The following UGT1A10 variants were observed in gnomAD, a reference collection of about 807,000 sequenced individuals.
The protein encoded by UGT1A10 is UDP-glucuronosyltransferase 1A10.
UGT1A10 carries 49 observed loss-of-function variants against 45.8 expected under a neutral mutation model. The observed-to-expected ratio is 1.07, with a 90% CI of 0.85 to 1.36. The LOEUF (loss-of-function observed/expected upper bound fraction) is 1.36. Ranked by LOEUF, UGT1A10 falls within the 40% of genes most tolerant of loss-of-function variation. UGT1A10 has a pLI of 0.00. For synonymous variants in UGT1A10, 284 were observed against 249.7 expected (o/e 1.14, Z -1.29); for missense variants, 745 against 668.6 (o/e 1.11, Z -1.26).
intron 1 of UGT1A10, among the ~76,000 whole-genome samples, chr2:233,645,350 G>A (rs966275017): frequency 6.6e-6 from 1 of 152,058 alleles, no homozygotes; most frequent in Non-Finnish European, 1.5e-5. Context: ...ATTCCACCCT[G>A]GTCCCTCCCA....
intron 4 of UGT1A10, among the ~76,000 whole-genome samples, chr2:233,772,038 A>G (rs892272267): frequency 1.3e-5 from 2 of 152,202 alleles, no homozygotes; most frequent in African/African-American, 4.8e-5. Flanking sequence ...GCTTGAGCCC[A>G]GGAGTTGGAG....
chr2:233,734,819 C>T (rs192367390), intron 1 of UGT1A10, among the ~76,000 whole-genome samples: 11 of 152,204 alleles, frequency 7.2e-5, no homozygotes, highest in South Asian at 2.1e-4. Flanking sequence ...TGTAGTTGTG[C>T]GATTTTGAGT....
At chr2:233,747,972 G>T in intron 1 of UGT1A10, 1 of 1,613,464 alleles carries the variant, frequency 6.2e-7, no homozygotes, top group South Asian at 1.1e-5. Flanking sequence ...CCATGCATCT[G>T]TGTGGCTGTT....
At chr2:233,649,970 T>G (rs185073890) in intron 1 of UGT1A10, among the ~76,000 whole-genome samples, 55 of 152,114 alleles carry the variant, frequency 3.6e-4, no homozygotes, top group Admixed American at 9.2e-4. Context: ...CAAGGTTTTT[T>G]GTTTGTTTGT....
intron 1 of UGT1A10, among the ~76,000 whole-genome samples, chr2:233,745,386 T>C (rs765197385): frequency 3.3e-5 from 5 of 151,842 alleles, no homozygotes; most frequent in Non-Finnish European, 7.4e-5. Flanking sequence ...TTCACCTCCT[T>C]ATTCTCTTTT....
intron 1 of UGT1A10, among the ~76,000 whole-genome samples, chr2:233,677,084 T>C (rs2074380799): frequency 6.6e-6 from 1 of 152,174 alleles, no homozygotes; most frequent in African/African-American, 2.4e-5. Context: ...TGTGCAAAAA[T>C]CCTGCTAGGA....
At chr2:233,705,367 T>C (rs1178136392) in intron 1 of UGT1A10, among the ~76,000 whole-genome samples, 3 of 152,240 alleles carry the variant, frequency 2.0e-5, no homozygotes, top group African/African-American at 7.2e-5. Flanking sequence ...GTTTTGCTTT[T>C]ATTTTGTTTG....
At chr2:233,749,544 A>G (rs1407004260) in intron 1 of UGT1A10, among the ~76,000 whole-genome samples, 1 of 151,906 alleles carries the variant, frequency 6.6e-6, no homozygotes, top group Non-Finnish European at 1.5e-5. Context: ...GTGGTAAAGA[A>G]CAGGCTAATG....
At chr2:233,718,642 C>T in intron 1 of UGT1A10, 2 of 1,479,382 alleles carry the variant, frequency 1.4e-6, no homozygotes, top group South Asian at 2.6e-5. Context: ...CAGGGTTGGG[C>T]CCATAACGAA....
chr2:233,708,371 A>C (rs1463457265), intron 1 of UGT1A10: 1 of 152,140 alleles, frequency 6.6e-6, no homozygotes, highest in Non-Finnish European at 1.5e-5. Context: ...CTTCATTTAA[A>C]CGTCTTTTGT....
chr2:233,694,725 T>C (rs1230570334), intron 1 of UGT1A10, among the ~76,000 whole-genome samples: 2 of 152,186 alleles, frequency 1.3e-5, no homozygotes, highest in African/African-American at 4.8e-5. Context: ...GATTTCTCTG[T>C]TAACAATTTG....
At chr2:233,682,567 C>T in intron 1 of UGT1A10, 1 of 1,613,972 alleles carries the variant, frequency 6.2e-7, no homozygotes, top group Middle Eastern at 1.7e-4. Context: ...TATGGAACCA[C>T]ATCATGCACT....
intron 1 of UGT1A10, chr2:233,721,835 C>T: frequency 1.9e-6 from 1 of 516,042 alleles, no homozygotes; most frequent in South Asian, 1.4e-5. Context: ...GGCCACCGAC[C>T]TTGTGTCCAG....
At chr2:233,648,284 A>C (rs368230203) in intron 1 of UGT1A10, 195 of 610,258 alleles carry the variant, frequency 3.2e-4, no homozygotes, top group Middle Eastern at 1.0e-3. Context: ...GATCCTTTAG[A>C]TATGTGTGGC....
intron 1 of UGT1A10, among the ~76,000 whole-genome samples, chr2:233,720,216 C>G (rs1381624179): frequency 6.6e-6 from 1 of 152,096 alleles, no homozygotes; most frequent in Non-Finnish European, 1.5e-5. Context: ...GGGATGGATG[C>G]ATGTGATCAG....
At chr2:233,654,921 G>A (rs1483852656) in intron 1 of UGT1A10, among the ~76,000 whole-genome samples, 4 of 152,032 alleles carry the variant, frequency 2.6e-5, no homozygotes, top group African/African-American at 9.7e-5. Context: ...GCAAAACCCC[G>A]TCTCTACTAA....
chr2:233,649,509 T>A (rs921162138), intron 1 of UGT1A10, among the ~76,000 whole-genome samples: 1 of 152,238 alleles, frequency 6.6e-6, no homozygotes, highest in Admixed American at 6.5e-5. Context: ...TAAGCATATA[T>A]GTAAATATTT....
intron 1 of UGT1A10, among the ~76,000 whole-genome samples, chr2:233,757,757 G>C (rs1696714079): frequency 6.6e-6 from 1 of 151,646 alleles, no homozygotes; most frequent in African/African-American, 2.4e-5. Context: ...TGTTTATGTT[G>C]CTCCTTTAGT....
chr2:233,751,877 G>T (rs567472475), intron 1 of UGT1A10, among the ~76,000 whole-genome samples: 1 of 152,132 alleles, frequency 6.6e-6, no homozygotes, highest in Admixed American at 6.5e-5. Flanking sequence ...ACCCCGTCTT[G>T]GGTATGTCTT....
Sources: allele counts gnomAD v4.1 joint callset (sites outside exome capture counted in the v4.1 genomes callset), GRCh38; gene constraint gnomAD v4.1.1; transcripts MANE v1.5; gene names NCBI Gene and HGNC (gene_info 2026-07-23, HGNC 2026-07-21).